CSMD1: variants seen among roughly 807,000 people sequenced by gnomAD.
CSMD1 encodes CUB and sushi domain-containing protein 1.
Under a neutral mutation model 417.5 loss-of-function variants are expected in CSMD1, and 213 were observed. The ratio of observed to expected loss-of-function variants is 0.51; its 90% CI spans 0.46 to 0.57. CSMD1 has a LOEUF of 0.57. CSMD1 is among the 20% of genes least tolerant of loss of function. The pLI, the probability that CSMD1 is intolerant of heterozygous loss-of-function variation, is 0.00. For synonymous variants in CSMD1, 2,862 were observed against 1,736.8 expected, an observed-to-expected ratio of 1.65 and a Z score of -16.11; for missense variants, 6,923 against 4,529.7, an observed-to-expected ratio of 1.53 and a Z score of -15.17.
chr8:2,954,695 T>C (rs1379887716), intron 64 of CSMD1, among the ~76,000 whole-genome samples: 1 of 152,134 alleles, frequency 6.6e-6, no homozygotes, highest in Non-Finnish European at 1.5e-5. Flanking sequence ...TACTGAAAAA[T>C]TCAAAATTAT....
chr8:4,492,121 G>C (rs1192143820), intron 2 of CSMD1, among the ~76,000 whole-genome samples: 1 of 152,132 alleles, frequency 6.6e-6, no homozygotes, highest in East Asian at 1.9e-4. Context: ...TTTAGATACA[G>C]GGTCTTACGC....
chr8:4,017,167 T>C (rs1385898889), intron 4 of CSMD1, among the ~76,000 whole-genome samples: 2 of 152,238 alleles, frequency 1.3e-5, no homozygotes, highest in East Asian at 3.8e-4. Flanking sequence ...CACTTTTGTG[T>C]ATGTTGAAGC....
intron 3 of CSMD1, among the ~76,000 whole-genome samples, chr8:4,374,302 G>C (rs773089752): frequency 1.3e-5 from 2 of 152,064 alleles, no homozygotes; most frequent in African/African-American, 2.4e-5. Flanking sequence ...CTGTATTAGA[G>C]TACAATATAA....
chr8:3,698,212 T>A (rs2251857), intron 7 of CSMD1, among the ~76,000 whole-genome samples: 1 of 152,072 alleles, frequency 6.6e-6, no homozygotes, highest in Non-Finnish European at 1.5e-5. Context: ...TATTTTAGCT[T>A]CTGCAGTGAC....
intron 1 of CSMD1, among the ~76,000 whole-genome samples, chr8:4,726,757 T>A (rs1423399202): frequency 6.6e-6 from 1 of 152,230 alleles, no homozygotes; most frequent in African/African-American, 2.4e-5. Flanking sequence ...TATGACTGCA[T>A]GTCCTTTCCT....
At chr8:4,083,770 C>T (rs572136852) in intron 3 of CSMD1, among the ~76,000 whole-genome samples, 1 of 152,258 alleles carries the variant, frequency 6.6e-6, no homozygotes, top group South Asian at 2.1e-4. Flanking sequence ...CCATTCAGGA[C>T]ATAGGCATGG....
intron 10 of CSMD1, among the ~76,000 whole-genome samples, chr8:3,501,889 G>C (rs1232678241): frequency 6.6e-6 from 1 of 152,066 alleles, no homozygotes; most frequent in Non-Finnish European, 1.5e-5. Flanking sequence ...GAGACAAACT[G>C]ACCAAATATA....
chr8:3,492,364 G>T (rs928878123), intron 11 of CSMD1, among the ~76,000 whole-genome samples: 2 of 152,054 alleles, frequency 1.3e-5, no homozygotes, highest in Admixed American at 1.3e-4. Context: ...CAGCTCATCT[G>T]GCACCACAGA....
intron 3 of CSMD1, among the ~76,000 whole-genome samples, chr8:4,290,843 G>A (rs1314404738): frequency 6.6e-6 from 1 of 152,100 alleles, no homozygotes; most frequent in Non-Finnish European, 1.5e-5. Context: ...AAAGCAAAAT[G>A]AAAATATCCA....
chr8:3,982,093 G>C (rs1037466793), intron 5 of CSMD1, among the ~76,000 whole-genome samples: 1 of 151,464 alleles, frequency 6.6e-6, no homozygotes, highest in South Asian at 2.1e-4. Flanking sequence ...GGGAGGTGGA[G>C]GTTGCAGTGA....
intron 2 of CSMD1, among the ~76,000 whole-genome samples, chr8:4,613,697 T>C (rs1050761619): frequency 1.3e-5 from 2 of 152,082 alleles, no homozygotes; most frequent in African/African-American, 4.8e-5. Flanking sequence ...ATGGCAGTAG[T>C]AAATCATTCA....
intron 10 of CSMD1, among the ~76,000 whole-genome samples, chr8:3,500,559 A>T (rs1415996189): frequency 3.3e-5 from 5 of 152,168 alleles, no homozygotes; most frequent in Non-Finnish European, 4.4e-5. Flanking sequence ...GAGGTCAAGG[A>T]ATTGAGGAAG....
At chr8:4,649,907 C>G (rs548974106) in intron 1 of CSMD1, among the ~76,000 whole-genome samples, 77 of 152,284 alleles carry the variant, frequency 5.1e-4, no homozygotes, top group African/African-American at 1.7e-3. Context: ...ACTGGGGGCA[C>G]CATGTGTTGA....
intron 1 of CSMD1, among the ~76,000 whole-genome samples, chr8:4,910,951 C>T (rs991934996): frequency 3.9e-5 from 6 of 152,108 alleles, no homozygotes; most frequent in African/African-American, 1.4e-4. Context: ...GCTGTTCTCA[C>T]CTAGTGAATA....
At chr8:3,326,802 T>C (rs1477855572) in intron 23 of CSMD1, among the ~76,000 whole-genome samples, 18 of 152,216 alleles carry the variant, frequency 1.2e-4, no homozygotes, top group Non-Finnish European at 2.9e-5. Flanking sequence ...TTTTATAGGC[T>C]TTCTTTTCTT....
chr8:3,242,132 C>A (rs1354329370), intron 26 of CSMD1, among the ~76,000 whole-genome samples: 1 of 151,456 alleles, frequency 6.6e-6, no homozygotes, highest in Non-Finnish European at 1.5e-5. Flanking sequence ...GCCTTTAGCT[C>A]CAGCCACCTT....
intron 2 of CSMD1, among the ~76,000 whole-genome samples, chr8:4,624,797 C>G (rs907365067): frequency 1.3e-5 from 2 of 152,144 alleles, no homozygotes; most frequent in Non-Finnish European, 2.9e-5. Context: ...CTAGTCAAGT[C>G]CAGAAAGTGA....
chr8:3,638,914 G>C (rs1409618525), intron 7 of CSMD1, among the ~76,000 whole-genome samples: 1 of 152,142 alleles, frequency 6.6e-6, no homozygotes, highest in African/African-American at 2.4e-5. Context: ...ACTCCGAATA[G>C]CCTGATATTT....
chr8:4,868,185 C>T (rs546278485), intron 1 of CSMD1, among the ~76,000 whole-genome samples: 1 of 152,098 alleles, frequency 6.6e-6, no homozygotes, highest in African/African-American at 2.4e-5. Context: ...CATATGCAAA[C>T]TGTTTAGAAA....
Sources: allele counts gnomAD v4.1 joint callset (sites outside exome capture counted in the v4.1 genomes callset), GRCh38; gene constraint gnomAD v4.1.1; transcripts MANE v1.5; gene names NCBI Gene and HGNC (gene_info 2026-07-23, HGNC 2026-07-21).